Variants in ARAP2 observed in about 807,000 individuals in gnomAD.
ARAP2 encodes arf-GAP with Rho-GAP domain, ANK repeat and PH domain-containing protein 2.
Under a neutral mutation model 194.5 loss-of-function variants are expected in ARAP2, and 148 were observed. That is an observed-to-expected ratio of 0.76 (90% CI 0.67 to 0.87). ARAP2 has a LOEUF of 0.87. ARAP2 is among the 40% of genes least tolerant of loss of function. The pLI, the probability that ARAP2 is intolerant of heterozygous loss-of-function variation, is 0.00. For missense variants in ARAP2, 2,128 were observed against 1,989.7 expected (o/e 1.07, Z -1.32); for synonymous variants, 695 against 683.5 (o/e 1.02, Z -0.26).
At position 36,050,121 on chromosome 4, in the gene ARAP2, T is replaced by C. The variant is rs1722425262; in HGVS notation, n.369+1885A>G. ...CTAGGAAGGAGTCTCTTAAACTTGG[T>C]TATGTATTGACAAGACTTTACCATA... On this transcript the variant is annotated intron_variant and non_coding_transcript_variant, in intron 3 of 12. Transcript: ENST00000503225. Among the ~76,000 whole-genome samples, 2 of 152,116 alleles carry C rather than the reference T, an allele frequency of 1.3e-5. 1 individual carries two copies. The highest frequency in any genetic ancestry group is 4.8e-5 in the African/African-American group (2 of 41,440).
intron 28 of ARAP2, among the ~76,000 whole-genome samples, chr4:36,088,611 C>T (rs1712589075): frequency 6.6e-6 from 1 of 152,044 alleles, no homozygotes; most frequent in African/African-American, 2.4e-5. Context: ...TTTTATTAGT[C>T]TCCTGCCTGG....
chr4:36,162,558 CAACG>C (rs982225892), intron 11 of ARAP2, among the ~76,000 whole-genome samples: 14 of 150,420 alleles, frequency 9.3e-5, no homozygotes, highest in Admixed American at 2.0e-4. Flanking sequence ...GTCTAATGAA[CAACG>C]AATGTTCATT....
intron 1 of ARAP2, among the ~76,000 whole-genome samples, chr4:36,058,894 C>A (rs1022172323): frequency 2.6e-5 from 4 of 152,140 alleles, no homozygotes; most frequent in Non-Finnish European, 5.9e-5. Flanking sequence ...GATGATGATG[C>A]CACTTCATAT....
intron 11 of ARAP2, among the ~76,000 whole-genome samples, chr4:36,162,509 A>T (rs1032671909): frequency 1.3e-5 from 2 of 152,148 alleles, no homozygotes; most frequent in African/African-American, 4.8e-5. Context: ...GAAGGAAAAA[A>T]AGTGTACAGT....
At position 36,210,634 on chromosome 4, in the gene ARAP2, A is replaced by G; in HGVS notation, c.1243T>C (p.Tyr415His). 6.2e-7 allele frequency: 1 copy of G among 1,613,862 alleles called. No homozygotes were observed. Residue 415 changes from tyrosine (Y) to histidine (H), a missense_variant, in exon 6 of 33, where the codon TAC (tyrosine) becomes CAC (histidine). Tyr to His is a moderately conservative substitution (Grantham distance 83). Coordinates refer to ENST00000303965, the MANE Select transcript of ARAP2 (RefSeq NM_015230.4). ...TGAAAGCATTCTTCTACTGTTGAGTATTCTGATTCAGAAGCAGTGTCTATC... is the reference window on the plus strand; with the variant it reads ...TGAAAGCATTCTTCTACTGTTGAGTGTTCTGATTCAGAAGCAGTGTCTATC... ...FLIDTASESE[Y>H]STVEECFQSL... is the part of the protein sequence containing the mutation.
At chr4:36,008,933 A>G (rs1713865289) in intron 9 of ARAP2, among the ~76,000 whole-genome samples, 2 of 152,156 alleles carry the variant, frequency 1.3e-5, no homozygotes, top group African/African-American at 4.8e-5. Context: ...ACAACCAACA[A>G]GCATATGAAA....
intron 28 of ARAP2, among the ~76,000 whole-genome samples, chr4:36,087,948 T>C (rs6812550): frequency 0.13 from 19,495 of 152,072 alleles, 2,329 homozygotes; most frequent in African/African-American, 0.31. Context: ...TTCATCTGCA[T>C]AGTGGGAATA....
chr4:36,092,454 C>T (rs1443707251), intron 27 of ARAP2, among the ~76,000 whole-genome samples: 1 of 151,930 alleles, frequency 6.6e-6, no homozygotes, highest in East Asian at 1.9e-4. Flanking sequence ...ACTAAAAATA[C>T]AAAAATCAGC....
intron 5 of ARAP2, among the ~76,000 whole-genome samples, chr4:36,025,316 T>C (rs1434511963): frequency 6.6e-6 from 1 of 152,122 alleles, no homozygotes; most frequent in East Asian, 1.9e-4. Context: ...ATTTTGTTCT[T>C]TTTCTTTTTA....
At chr4:36,011,713 T>A (rs1192220779) in intron 9 of ARAP2, among the ~76,000 whole-genome samples, 1 of 152,170 alleles carries the variant, frequency 6.6e-6, no homozygotes, top group Non-Finnish European at 1.5e-5. Context: ...TATATTATCA[T>A]TATTCTTTAA....
intron 19 of ARAP2, among the ~76,000 whole-genome samples, chr4:36,137,486 C>A (rs1006841725): frequency 6.6e-6 from 1 of 151,782 alleles, no homozygotes; most frequent in African/African-American, 2.4e-5. Flanking sequence ...CTTCTTTATA[C>A]ATGTCTGTGT....
chr4:36,041,476 T>C (rs1720855819), intron 5 of ARAP2, among the ~76,000 whole-genome samples: 2 of 152,054 alleles, frequency 1.3e-5, no homozygotes. Flanking sequence ...AAAACCACAA[T>C]GAGATACCAT....
rs764062778 is a variant in ARAP2, at chr4:36,210,603, A to G, written c.1274T>C (p.Leu425Ser). The change falls in exon 6 of 33, where the codon TTA becomes TCA. Residue 425 changes from leucine to serine, a missense_variant. Coordinates refer to ENST00000303965, the MANE Select transcript of ARAP2 (RefSeq NM_015230.4). ...AGATGCCTTTGAATTTTTTCTTCTT[A>G]AACTCTGAAAGCATTCTTCTACTGT... ...YSTVEECFQS[L>S]RRKNSKASKS... 5 of 1,613,820 alleles carry G rather than the reference A, an allele frequency of 3.1e-6. No individual in the cohort carries two copies. The East Asian group carries it at 8.9e-5, about 29-fold the overall frequency.
chr4:36,226,723 G>C (rs575870934), intron 2 of ARAP2, among the ~76,000 whole-genome samples: 65 of 152,156 alleles, frequency 4.3e-4, no homozygotes, highest in African/African-American at 1.5e-3. Flanking sequence ...GGCCCAGCTG[G>C]GACCCTAAGA....
At chr4:36,087,672 C>A (rs1245623568) in intron 28 of ARAP2, among the ~76,000 whole-genome samples, 19 of 152,108 alleles carry the variant, frequency 1.2e-4, no homozygotes, top group Admixed American at 9.2e-4. Flanking sequence ...TTAAAGTGTA[C>A]ATCAGCTTGA....
At chr4:36,162,975 T>C (rs912081635) in intron 11 of ARAP2, among the ~76,000 whole-genome samples, 25 of 152,206 alleles carry the variant, frequency 1.6e-4, no homozygotes, top group African/African-American at 5.1e-4. Context: ...TATATGAAAA[T>C]GTGCAGTTTT....
At chr4:36,210,874 C>T (rs1746603905) in intron 5 of ARAP2, 131 bp from the exon 6 acceptor site, 1 of 670,524 alleles carries the variant, frequency 1.5e-6, no homozygotes. Flanking sequence ...TTCCATTAAC[C>T]CTATTGAAAA....
rs1254198482 is a variant in ARAP2 at position 36,121,330 on chromosome 4, T to C, written c.3747-4A>G. The C allele has an allele frequency of 7.0e-6, 11 of 1,579,708 alleles. No homozygotes were observed. Among genetic ancestry groups the C allele is most frequent in the Admixed American group, 1.8e-5 (1 of 55,428 alleles). On this transcript the variant is annotated splice_polypyrimidine_tract_variant and splice_region_variant and intron_variant, in intron 22 of 32. Transcript: ENST00000303965. ...GATTTCTGAGCATTTCTGAACCCTG[T>C]CAGAGAAAAGCATAGTTTATTATGA...
intron 8 of ARAP2, among the ~76,000 whole-genome samples, chr4:36,185,927 G>A (rs766553082): frequency 2.6e-5 from 4 of 151,604 alleles, no homozygotes; most frequent in Non-Finnish European, 4.4e-5. Flanking sequence ...GCAGTGAGCC[G>A]AGATTGCGCC....
Sources: allele counts gnomAD v4.1 joint callset (sites outside exome capture counted in the v4.1 genomes callset), GRCh38; gene constraint gnomAD v4.1.1; transcripts MANE v1.5; gene names NCBI Gene and HGNC (gene_info 2026-07-23, HGNC 2026-07-21).